The following ANP32E variants were observed in gnomAD, a reference collection of about 807,000 sequenced individuals.
ANP32E encodes the protein acidic nuclear phosphoprotein 32 family member E.
In ANP32E, 14 loss-of-function variants were observed where a neutral mutation model predicts 35.3. The ratio of observed to expected loss-of-function variants is 0.40; its 90% CI spans 0.26 to 0.62. ANP32E has a LOEUF of 0.62. Among genes scored for constraint, ANP32E ranks in the 20% least tolerant of loss-of-function variants. ANP32E has a pLI of 0.45. For missense variants in ANP32E, 198 were observed against 304.4 expected, an observed-to-expected ratio of 0.65 and a Z score of 2.60; for synonymous variants, 89 against 110.4, an observed-to-expected ratio of 0.81 and a Z score of 1.22.
intron 1 of ANP32E, among the ~76,000 whole-genome samples, chr1:150,232,253 A>G (rs1649409120): frequency 7.0e-6 from 1 of 143,784 alleles, no homozygotes; most frequent in African/African-American, 2.5e-5. Flanking sequence ...CTGAGGCAGG[A>G]GAATGGCGTG....
chr1:150,220,463 A>C lies in ANP32E; in HGVS notation c.*228T>G. The C allele has an allele frequency of 1.6e-5, 7 of 430,932 alleles. No individual in the cohort carries two copies. The highest frequency in any genetic ancestry group is 1.3e-4 in the East Asian group (3 of 23,938). The allele number at this position is 430,932 out of a possible 1,614,324, so 26.7% of individuals were successfully genotyped here. A position where few individuals can be genotyped will look rare whatever the true frequency, so the allele number is the denominator to read the frequency against. ...AAAAATTAAGTCTAAATAAATTGCTAGGGAATTCCACAATGGGAGTCAATG... is the reference window on the plus strand; with the variant it reads ...AAAAATTAAGTCTAAATAAATTGCTCGGGAATTCCACAATGGGAGTCAATG... On this transcript the variant is annotated 3_prime_UTR_variant, in exon 7 of 7. Transcript: ENST00000583931.
intron 6 of ANP32E, among the ~76,000 whole-genome samples, chr1:150,221,816 G>A (rs184466171): frequency 4.0e-4 from 61 of 152,280 alleles, no homozygotes; most frequent in African/African-American, 1.4e-3. Flanking sequence ...TTATTTTGAG[G>A]CTGGGTGCAG....
At chr1:150,231,627 C>T (rs1483121187) in intron 2 of ANP32E, 150 bp downstream of exon 2, 24 of 329,228 alleles carry the variant, frequency 7.3e-5, no homozygotes, top group African/African-American at 2.1e-4. Context: ...AGTATTAGAG[C>T]TTATTCTCAA....
In ANP32E at chr1:150,219,503, A is replaced by G. The variant is rs1367094697; in HGVS notation, c.*1188T>C. 1 of 152,200 alleles carries G rather than the reference A, an allele frequency of 6.6e-6. No individual in the cohort carries two copies. Among genetic ancestry groups the G allele is most frequent in the Non-Finnish European group, 1.5e-5 (1 of 68,020 alleles). The allele number at this position is 152,200 out of a possible 1,614,324, so 9.4% of individuals were successfully genotyped here. On this transcript the variant is annotated 3_prime_UTR_variant, in exon 7 of 7. Transcript: ENST00000583931. Reference sequence around the variant, plus strand: ...ATATCTGTTTTAAAACTGGGAATTAAAGGTTAGAAATACTTTGCAGAGTGG... The same window carrying G: ...ATATCTGTTTTAAAACTGGGAATTAGAGGTTAGAAATACTTTGCAGAGTGG...
rs1340001383 is a variant in ANP32E at position 150,235,227 on chromosome 1, C to A, written c.54+506G>T. Among the ~76,000 whole-genome samples, 4 of 152,242 alleles carry A rather than the reference C, an allele frequency of 2.6e-5. No individual in the cohort carries two copies. Among genetic ancestry groups the A allele is most frequent in the African/African-American group, 9.6e-5 (4 of 41,468 alleles). On this transcript the variant is annotated intron_variant, in intron 1 of 6. Transcript: ENST00000583931. The surrounding 1 kb of genome is among the most constrained non-coding windows in gnomAD (Gnocchi z 4.2). ...CAGTGCGCGGACCCTGCAAGCGACCCCAGCCCGCGCCCGTCGCGACGTCGG... is the reference window on the plus strand; with the variant it reads ...CAGTGCGCGGACCCTGCAAGCGACCACAGCCCGCGCCCGTCGCGACGTCGG...
rs1649705255 is a variant in ANP32E, at chr1:150,235,477, C to G, written c.54+256G>C. Among the ~76,000 whole-genome samples, 1 of 152,220 alleles carries G rather than the reference C, an allele frequency of 6.6e-6. No homozygotes were observed. Among genetic ancestry groups the G allele is most frequent in the African/African-American group, 2.4e-5 (1 of 41,466 alleles). On this transcript the variant is annotated intron_variant, in intron 1 of 6. Coordinates refer to ENST00000583931, the MANE Select transcript of ANP32E (RefSeq NM_030920.5). The surrounding 1 kb of genome is among the most constrained non-coding windows in gnomAD (Gnocchi z 4.2). ...TCCCGCCCCCACGAGGTCAGGACGCCCGACTCGATGAAAGCCGAAAGGAGC... is the reference window on the plus strand; with the variant it reads ...TCCCGCCCCCACGAGGTCAGGACGCGCGACTCGATGAAAGCCGAAAGGAGC...
intron 1 of ANP32E, among the ~76,000 whole-genome samples, chr1:150,232,481 T>TTC (rs1308426371): frequency 4.0e-5 from 1 of 24,964 alleles, no homozygotes; most frequent in African/African-American, 4.8e-5. Context: ...TTTCTTTTTT[T>TTC]TTTTTTGTAG....
At chr1:150,222,425 AAT>A (rs1648496441) in intron 6 of ANP32E, among the ~76,000 whole-genome samples, 2 of 38,154 alleles carry the variant, frequency 5.2e-5, no homozygotes, top group African/African-American at 1.2e-3. Context: ...TCTCAAAAAA[AAT>A]AAATAAATAA....
intron 1 of ANP32E, among the ~76,000 whole-genome samples, chr1:150,232,489 TAGA>T (rs1649441523): frequency 8.0e-6 from 1 of 125,302 alleles, no homozygotes; most frequent in Admixed American, 8.3e-5. Flanking sequence ...TTTTTTTTTG[TAGA>T]TGGAGTCTTG....
chr1:150,230,661 G>T lies in ANP32E; in HGVS notation c.237C>A (p.Gly79=). The change falls in exon 3 of 7, where the codon GGC becomes GGA. Residue 79 remains glycine, a synonymous_variant. Transcript: ENST00000583931. ...LELSDNIISG[G]LEVLAEKCPN... is the part of the protein sequence containing the mutation. ...GACATTTCTCTGCCAGGACTTCCAA[G>T]CCTCCAGAAATTATATTATCACTAA... The T allele has an allele frequency of 6.2e-7, 1 of 1,612,888 alleles. No individual in the cohort carries two copies. Among genetic ancestry groups the T allele is most frequent in the Non-Finnish European group, 8.5e-7 (1 of 1,179,532 alleles).
chr1:150,220,603 T>C lies in ANP32E; in HGVS notation c.*88A>G, dbSNP rs1648263515. 1.6e-6 allele frequency: 2 copies of C among 1,231,406 alleles called. No homozygotes were observed. The highest frequency in any genetic ancestry group is 1.2e-6 in the Non-Finnish European group (1 of 845,562). The allele number at this position is 1,231,406 out of a possible 1,614,324, so 76.3% of individuals were successfully genotyped here. ...ATAAAAAGTTACACATTATCTTCTG[T>C]AGGGATAGCTATCGTACATGAAGAA... On this transcript the variant is annotated 3_prime_UTR_variant, in exon 7 of 7. Transcript: ENST00000583931.
At chr1:150,228,733 A>G (rs150555622) in intron 4 of ANP32E, among the ~76,000 whole-genome samples, 150,065 of 151,678 alleles carry the variant, frequency 0.99, 74,242 homozygotes, top group East Asian at 1. Flanking sequence ...TCAGTTGATA[A>G]ACACTTGGGT....
rs6679147 is a variant in ANP32E, at chr1:150,220,150, T to C, written c.*541A>G. On this transcript the variant is annotated 3_prime_UTR_variant, in exon 7 of 7. Coordinates refer to ENST00000583931, the MANE Select transcript of ANP32E (RefSeq NM_030920.5). ...ATGTTGCTGAATAGAACCTTTACTA[T>C]TCTGCTTCTATTTTCCAAGTTACTT... 2,603 of 151,550 alleles carry C rather than the reference T, an allele frequency of 0.017. 33 individuals carry two copies. The highest frequency in any genetic ancestry group is 0.028 in the Non-Finnish European group (1,929 of 68,062). 9.4% of individuals were successfully genotyped at this position (151,550 alleles called of 1,614,324 possible).
Position 150,235,842 on chromosome 1 carries a change from A to G in ANP32E, c.-56T>C, listed in dbSNP as rs75883383. Reference sequence around the variant, plus strand: ...CCTTTTCCCTTTCCTGCCTTCCCCAATACCCCCAACCCAAAATTTTTAAGA... The same window carrying G: ...CCTTTTCCCTTTCCTGCCTTCCCCAGTACCCCCAACCCAAAATTTTTAAGA... On this transcript the variant is annotated 5_prime_UTR_variant, in exon 1 of 7. Coordinates refer to ENST00000583931, the MANE Select transcript of ANP32E (RefSeq NM_030920.5). This position sits in a 1 kb window ranked among gnomAD's most constrained non-coding sequence, Gnocchi z 4.2. 6,663 of 1,393,502 alleles carry G rather than the reference A, an allele frequency of 4.8e-3. 229 individuals carry two copies. The African/African-American group carries it at 0.073, about 15-fold the overall frequency. 86.3% of individuals were successfully genotyped at this position (1,393,502 alleles called of 1,614,324 possible).
intron 6 of ANP32E, among the ~76,000 whole-genome samples, chr1:150,221,471 G>C (rs868952939): frequency 1.5e-5 from 2 of 132,068 alleles, no homozygotes; most frequent in Non-Finnish European, 3.2e-5. Flanking sequence ...AAGAGAGGAA[G>C]AGAGGAAGAG....
At chr1:150,226,893 A>C (rs1648927100) in intron 4 of ANP32E, 98 bp from the exon 5 acceptor site, 2 of 1,444,184 alleles carry the variant, frequency 1.4e-6, no homozygotes, top group African/African-American at 2.9e-5. Flanking sequence ...TCAAACTTGT[A>C]AGCCAATAGG....
At chr1:150,232,043 C>T (rs1487550997) in intron 1 of ANP32E, 117 bp from the exon 2 acceptor site, 25 of 1,110,454 alleles carry the variant, frequency 2.3e-5, no homozygotes, top group Non-Finnish European at 3.0e-5. Flanking sequence ...TTTGATTGCC[C>T]GTCAGTTAAA....
chr1:150,226,321 A>C (rs782704279), intron 5 of ANP32E, among the ~76,000 whole-genome samples: 7 of 152,130 alleles, frequency 4.6e-5, no homozygotes, highest in Non-Finnish European at 1.0e-4. Context: ...CTGTTTTATA[A>C]ATGCAGAAAT....
intron 3 of ANP32E, among the ~76,000 whole-genome samples, chr1:150,230,037 TTTA>T (rs1407147762): frequency 1.3e-5 from 2 of 152,140 alleles, no homozygotes; most frequent in African/African-American, 4.8e-5. Flanking sequence ...CTGGCTAATT[TTTA>T]TTTTTTATTT....
Sources: gnomAD v4.1 joint callset for allele counts (sites outside exome capture counted in the v4.1 genomes callset) on GRCh38, gnomAD v4.1.1 for gene constraint, Gnocchi (gnomAD v3.1) non-coding constraint, MANE v1.5 for transcripts, NCBI Gene and HGNC (gene_info 2026-07-23, HGNC 2026-07-21) for gene names.